WAS: variants seen among roughly 807,000 people sequenced by gnomAD.
WAS encodes actin nucleation-promoting factor WAS.
WAS carries 1 observed loss-of-function variant against 38.9 expected under a neutral mutation model. The ratio of observed to expected loss-of-function variants is 0.03; its 90% confidence interval spans 0.01 to 0.12. The LOEUF is 0.12. WAS is among the 10% of genes least tolerant of loss of function. The pLI is 1.00. For synonymous variants in WAS, 182 were observed against 173.6 expected, an observed-to-expected ratio of 1.05 and a Z score of -0.38; for missense variants, 311 against 431.2, an observed-to-expected ratio of 0.72 and a Z score of 2.47.
upstream of WAS, among the ~76,000 whole-genome samples, chrX:48,678,832 AT>A (rs2062395634): frequency 9.0e-6 from 1 of 111,050 alleles, no homozygotes; most frequent in African/African-American, 3.3e-5. Context: ...AAAAATTTAA[AT>A]TTTTTTTAAA....
At position 48,691,234 on chromosome X, in the gene WAS, A is replaced by AC; in HGVS notation, c.*75dup. On this transcript the variant is annotated 3_prime_UTR_variant, in exon 12 of 12. Transcript: ENST00000376701. ...CTCCCCCTCCACCTGCTCTGTGCCC[A>AC]CCCTCCACTCTCCTCTTCCAGGCCC... 2 of 1,014,763 alleles carry AC rather than the reference A, an allele frequency of 2.0e-6. No homozygotes were observed. The highest frequency in any genetic ancestry group is 2.7e-6 in the Non-Finnish European group (2 of 733,317). 83.6% of individuals were successfully genotyped at this position (1,014,763 alleles called of 1,213,427 possible). A position where few individuals can be genotyped will look rare whatever the true frequency, so the allele number is the denominator to read the frequency against.
rs145040665 is a variant in WAS, at chrX:48,686,113, C to T, written c.538C>T (p.His180Tyr). ...AGGAGGGCTCCCACCCCTGCCCCTG[C>T]ATCCAGGTGGAGACCAAGGAGGTGC... ...RRGGLPPLPL[H>Y]PGGDQGGPPV... Residue 180 changes from histidine (H) to tyrosine (Y), a missense_variant, in exon 6 of 12, where the codon CAT becomes TAT. His to Tyr is a moderately conservative substitution (Grantham distance 83). Transcript: ENST00000376701. 1 of 1,210,873 alleles carries T rather than the reference C, an allele frequency of 8.3e-7. No individual in the cohort carries two copies. Among genetic ancestry groups the T allele is most frequent in the Non-Finnish European group, 1.1e-6 (1 of 895,375 alleles).
At chrX:48,687,798 G>A (rs2062424978) in intron 7 of WAS, among the ~76,000 whole-genome samples, 1 of 111,597 alleles carries the variant, frequency 9.0e-6, no homozygotes, top group African/African-American at 3.3e-5. Flanking sequence ...TAGTCCAACA[G>A]ATGAATGTGA....
chrX:48,677,646 T>C (rs2062393773), intron 1 of WAS, among the ~76,000 whole-genome samples: 1 of 111,837 alleles, frequency 8.9e-6, no homozygotes, highest in Admixed American at 9.5e-5. Context: ...ACTGCGTCAT[T>C]GACTCTACAG....
intron 7 of WAS, among the ~76,000 whole-genome samples, chrX:48,687,498 G>A (rs1462042012): frequency 9.0e-6 from 1 of 111,283 alleles, no homozygotes; most frequent in Non-Finnish European, 1.9e-5. Context: ...ATGGGTGAGT[G>A]GATAGGTGTG....
At chrX:48,677,002 A>C (rs1456599744) in intron 1 of WAS, among the ~76,000 whole-genome samples, 2 of 112,375 alleles carry the variant, frequency 1.8e-5, no homozygotes, top group Non-Finnish European at 3.8e-5. Context: ...GCAGGAAGGT[A>C]GGGCGCGCCC....
At chrX:48,677,769 C>T (rs1483409854) in intron 1 of WAS, among the ~76,000 whole-genome samples, 2 of 112,271 alleles carry the variant, frequency 1.8e-5, no homozygotes, top group African/African-American at 6.5e-5. Flanking sequence ...ACTCTCTGTG[C>T]AAGGGAGCTG....
chrX:48,684,470 G>A (rs1557006373), intron 2 of WAS, 47 bp downstream of exon 2: 7 of 1,178,902 alleles, frequency 5.9e-6, no homozygotes, highest in Middle Eastern at 4.7e-4. Context: ...TTCTCAACCC[G>A]CAAACCCAGA....
Position 48,688,907 on chromosome X carries a change from GCCACCACCA to G in WAS, c.1182_1190del (p.Pro402_Pro404del), listed in dbSNP as rs1557007256. 1.7e-6 allele frequency: 2 copies of G among 1,161,168 alleles called. No individual in the cohort carries two copies. Among genetic ancestry groups the G allele is most frequent in the South Asian group, 1.9e-5 (1 of 51,639 alleles). ...CCCCTGGAGCTGGTGGGCCACCCATGCCACCACCACCGCCACCACCGCCACCGCCGCCCA... is the reference window on the plus strand; with the variant it reads ...CCCCTGGAGCTGGTGGGCCACCCATGCCGCCACCACCGCCACCGCCGCCCA... On this transcript the variant is annotated inframe_deletion, in exon 10 of 12. Transcript: ENST00000376701.
chrX:48,682,047 G>A (rs2062401928), upstream of WAS, among the ~76,000 whole-genome samples: 1 of 111,991 alleles, frequency 8.9e-6, no homozygotes, highest in African/African-American at 3.2e-5. Context: ...GGGAGGCCGG[G>A]GACTGAGCTA....
chrX:48,678,843 A>G (rs183327192), upstream of WAS, among the ~76,000 whole-genome samples: 256 of 111,346 alleles, frequency 2.3e-3, no homozygotes, highest in African/African-American at 7.8e-3. Flanking sequence ...TTTTTTTTAA[A>G]AAGAGTTTGT....
chrX:48,691,003 C>A, intron 11 of WAS, 104 bp from the exon 12 acceptor site: 1 of 730,390 alleles, frequency 1.4e-6, no homozygotes, highest in Non-Finnish European at 2.1e-6. Context: ...TTGCCCTCCT[C>A]TAGCATGAGA....
intron 11 of WAS, 129 bp downstream of exon 11, chrX:48,689,563 G>GGCC: frequency 1.8e-6 from 1 of 566,026 alleles, no homozygotes; most frequent in Non-Finnish European, 3.0e-6. Context: ...TGAATCTTGT[G>GGCC]TCAGCCTCGT....
chrX:48,686,015 A>G (rs2062418554), intron 5 of WAS, 28 bp downstream of exon 5: 2 of 1,209,494 alleles, frequency 1.7e-6, no homozygotes, highest in Admixed American at 4.4e-5. Flanking sequence ...AGTAGGGGTA[A>G]TAAGGGGCTA....
intron 9 of WAS, 35 bp from the exon 10 acceptor site, chrX:48,688,625 G>A (rs781952808): frequency 8.3e-7 from 1 of 1,209,567 alleles, no homozygotes; most frequent in Admixed American, 2.2e-5. Context: ...AGAAATCAAT[G>A]AGAGTTACAG....
At chrX:48,678,408 G>A (rs1185531786) in intron 1 of WAS, among the ~76,000 whole-genome samples, 1 of 111,489 alleles carries the variant, frequency 9.0e-6, no homozygotes, top group Non-Finnish European at 1.9e-5. Context: ...CACCCCCCAT[G>A]TCTTATTACC....
At chrX:48,680,902 A>C (rs782773184), upstream of WAS, among the ~76,000 whole-genome samples, 3 of 112,044 alleles carry the variant, frequency 2.7e-5, no homozygotes, top group African/African-American at 6.5e-5. Context: ...ACAACCAGCA[A>C]ATATATCAGA....
chrX:48,689,186 A>T (rs782594040), intron 10 of WAS, 120 bp downstream of exon 10: 1 of 965,845 alleles, frequency 1.0e-6, no homozygotes, highest in Non-Finnish European at 1.4e-6. Context: ...GGATTCAGTG[A>T]TAGGGTTGAA....
chrX:48,679,083 G>A (rs1342555605), upstream of WAS, among the ~76,000 whole-genome samples: 3 of 108,443 alleles, frequency 2.8e-5, no homozygotes, highest in Non-Finnish European at 3.8e-5. Flanking sequence ...AGGCTAGAGT[G>A]CACTGAGGCA....
Sources: allele counts gnomAD v4.1 joint callset (sites outside exome capture counted in the v4.1 genomes callset), GRCh38; gene constraint gnomAD v4.1.1; transcripts MANE v1.5; gene names NCBI Gene and HGNC (gene_info 2026-07-23, HGNC 2026-07-21).